CSMD1: variants seen among roughly 807,000 people sequenced by gnomAD.
CSMD1 encodes the protein CUB and Sushi multiple domains 1.
A neutral mutation model predicts 417.5 loss-of-function variants in CSMD1; 213 were observed. The observed-to-expected ratio is 0.51, with a 90% confidence interval of 0.46 to 0.57. The LOEUF (loss-of-function observed/expected upper bound fraction) is 0.57, where lower values mean the gene tolerates loss of function less well. CSMD1 is among the 20% of genes least tolerant of loss of function. The probability of loss-of-function intolerance (pLI) is 0.00; values close to 1 mark genes in which losing one functional copy is unlikely to be tolerated. For missense variants in CSMD1, 6,923 were observed against 4,529.7 expected (o/e 1.53, Z -15.17); for synonymous variants, 2,862 against 1,736.8 (o/e 1.65, Z -16.11).
At chr8:4,819,078 A>C (rs1346157826) in intron 1 of CSMD1, among the ~76,000 whole-genome samples, 6 of 152,228 alleles carry the variant, frequency 3.9e-5, no homozygotes, top group Non-Finnish European at 5.9e-5. Flanking sequence ...CAGCAACAAC[A>C]GCACTTGCAT....
chr8:4,819,182 C>T (rs180853388), intron 1 of CSMD1, among the ~76,000 whole-genome samples: 80 of 152,266 alleles, frequency 5.3e-4, no homozygotes, highest in African/African-American at 1.8e-3. Flanking sequence ...AAGGAACACA[C>T]ATTCAATTTT....
At chr8:4,248,627 G>A (rs1200795284) in intron 3 of CSMD1, among the ~76,000 whole-genome samples, 1 of 152,036 alleles carries the variant, frequency 6.6e-6, no homozygotes, top group Admixed American at 6.6e-5. Context: ...GACCTTTTCT[G>A]ATCACTTCAT....
intron 5 of CSMD1, among the ~76,000 whole-genome samples, chr8:3,965,081 G>C (rs1446088886): frequency 2.0e-5 from 3 of 152,180 alleles, no homozygotes; most frequent in South Asian, 2.1e-4. Flanking sequence ...ACTCGCCGCA[G>C]TAGCTGACTT....
intron 1 of CSMD1, among the ~76,000 whole-genome samples, chr8:4,721,050 T>G (rs1809022738): frequency 6.6e-6 from 1 of 152,178 alleles, no homozygotes; most frequent in African/African-American, 2.4e-5. Flanking sequence ...ATAAAACCAC[T>G]CTAATAATAA....
chr8:4,736,107 C>G (rs1222674511), intron 1 of CSMD1, among the ~76,000 whole-genome samples: 2 of 152,146 alleles, frequency 1.3e-5, no homozygotes, highest in Non-Finnish European at 1.5e-5. Flanking sequence ...CTTTGTTTCT[C>G]ACGAGCTGTG....
chr8:3,544,287 T>C (rs113879767), intron 10 of CSMD1, among the ~76,000 whole-genome samples: 2,833 of 152,306 alleles, frequency 0.019, 84 homozygotes, highest in African/African-American at 0.065. Flanking sequence ...TTAATTTTGC[T>C]TTAAAGAAAA....
intron 26 of CSMD1, among the ~76,000 whole-genome samples, chr8:3,242,179 G>T (rs1799580631): frequency 6.6e-6 from 1 of 152,080 alleles, no homozygotes; most frequent in Non-Finnish European, 1.5e-5. Flanking sequence ...GGGAGGGCTA[G>T]TCCCAGAATG....
chr8:3,386,485 G>C (rs570956901), intron 18 of CSMD1, among the ~76,000 whole-genome samples: 26 of 152,308 alleles, frequency 1.7e-4, no homozygotes, highest in East Asian at 5.8e-4. Context: ...GTTACTGTGT[G>C]GGTTCGTGCT....
intron 3 of CSMD1, among the ~76,000 whole-genome samples, chr8:4,116,068 G>C (rs1403613279): frequency 6.6e-6 from 1 of 151,712 alleles, no homozygotes; most frequent in African/African-American, 2.4e-5. Context: ...TGGCAATCTT[G>C]GCTCACTGCA....
At chr8:4,820,867 T>G (rs1799483734) in intron 1 of CSMD1, among the ~76,000 whole-genome samples, 1 of 152,232 alleles carries the variant, frequency 6.6e-6, no homozygotes, top group African/African-American at 2.4e-5. Context: ...TTGTTGTTAC[T>G]ACTTTTATAT....
chr8:3,083,533 T>C (rs1003865952), intron 49 of CSMD1, among the ~76,000 whole-genome samples: 6 of 143,446 alleles, frequency 4.2e-5, no homozygotes, highest in African/African-American at 1.6e-4. Context: ...AGTCGCTTAA[T>C]CTGTTATACA....
Position 3,207,262 on chromosome 8 carries a change from T to G in CSMD1, c.4868-1642A>C, listed in dbSNP as rs56361311. On this transcript the variant is annotated intron_variant, in intron 30 of 69. Transcript: ENST00000635120. The stretch of plus-strand genomic sequence containing the variant: ...CCCGGGTTCAAACGATTCTCTTGCC[T>G]CAGCCTCCCGAGTAGCTGCAATTAC... Among the ~76,000 whole-genome samples, 370 of 149,030 alleles carry G rather than the reference T, an allele frequency of 2.5e-3. 1 individual carries two copies. Among genetic ancestry groups the G allele is most frequent in the African/African-American group, 8.9e-3 (361 of 40,572 alleles).
chr8:3,312,181 T>G (rs965225406), intron 23 of CSMD1, among the ~76,000 whole-genome samples: 1 of 152,212 alleles, frequency 6.6e-6, no homozygotes, highest in Non-Finnish European at 1.5e-5. Context: ...TACAGAAATA[T>G]GTTTTATTGC....
At chr8:4,871,816 A>G (rs2116917543) in intron 1 of CSMD1, among the ~76,000 whole-genome samples, 2 of 152,256 alleles carry the variant, frequency 1.3e-5, no homozygotes, top group Admixed American at 1.3e-4. Context: ...CCTTTCCAGT[A>G]ACATCAGAGG....
chr8:4,267,861 C>A (rs1035262568), intron 3 of CSMD1, among the ~76,000 whole-genome samples: 3 of 152,002 alleles, frequency 2.0e-5, no homozygotes, highest in Non-Finnish European at 2.9e-5. Flanking sequence ...TTGTCATAGC[C>A]ATATACTTGT....
intron 50 of CSMD1, among the ~76,000 whole-genome samples, chr8:3,039,355 C>A (rs1404109604): frequency 6.7e-6 from 1 of 148,538 alleles, no homozygotes; most frequent in African/African-American, 2.5e-5. Context: ...GCCTTCCTTC[C>A]TTCCTCCTTT....
At chr8:4,365,665 A>G (rs1240803457) in intron 3 of CSMD1, among the ~76,000 whole-genome samples, 2 of 152,308 alleles carry the variant, frequency 1.3e-5, no homozygotes, top group South Asian at 4.1e-4. Flanking sequence ...TCCTGTGGTT[A>G]AAACCTAAGG....
chr8:3,780,333 C>T (rs1199413496), intron 5 of CSMD1, among the ~76,000 whole-genome samples: 4 of 152,142 alleles, frequency 2.6e-5, no homozygotes, highest in African/African-American at 7.2e-5. Context: ...AACAGTTGTT[C>T]GTTAGAATAG....
At chr8:3,442,827 T>C (rs78735760) in intron 12 of CSMD1, among the ~76,000 whole-genome samples, 2,095 of 151,514 alleles carry the variant, frequency 0.014, 48 homozygotes, top group African/African-American at 0.047. Context: ...TATTAGTACA[T>C]AGATTTTTTT....
Sources: gnomAD v4.1 joint callset for allele counts (sites outside exome capture counted in the v4.1 genomes callset) on GRCh38, gnomAD v4.1.1 for gene constraint, MANE v1.5 for transcripts, NCBI Gene and HGNC (gene_info 2026-07-23, HGNC 2026-07-21) for gene names.